Variants in SUMF1 observed in about 807,000 individuals in gnomAD.
SUMF1 encodes formylglycine-generating enzyme.
Under a neutral mutation model 47.6 loss-of-function variants are expected in SUMF1, and 48 were observed. The ratio of observed to expected loss-of-function variants is 1.01; its 90% CI spans 0.80 to 1.28. SUMF1 has a LOEUF of 1.28. SUMF1 is among the 50% of genes most tolerant of loss of function. The pLI, the probability that SUMF1 is intolerant of heterozygous loss-of-function variation, is 0.00. For missense variants in SUMF1, 571 were observed against 485.4 expected (o/e 1.18, Z -1.66); for synonymous variants, 230 against 192.1 (o/e 1.20, Z -1.63).
At chr3:4,312,286 G>T (rs2125095287) in intron 8 of SUMF1, among the ~76,000 whole-genome samples, 1 of 152,074 alleles carries the variant, frequency 6.6e-6, no homozygotes, top group African/African-American at 2.4e-5. Context: ...CAAAAGCTAA[G>T]GATAAAATGC....
At chr3:4,212,546 G>A (rs1017677716) in intron 8 of SUMF1, among the ~76,000 whole-genome samples, 21 of 152,238 alleles carry the variant, frequency 1.4e-4, no homozygotes, top group African/African-American at 4.1e-4. Flanking sequence ...GAGCAAAAAT[G>A]GACAGAGAAT....
At chr3:4,452,818 G>T in intron 2 of SUMF1, 58 bp downstream of exon 2, 2 of 1,599,780 alleles carry the variant, frequency 1.3e-6, no homozygotes. Context: ...TGCTATTAAA[G>T]CATTCTTAAA....
intron 8 of SUMF1, among the ~76,000 whole-genome samples, chr3:4,221,088 T>C (rs186295137): frequency 2.0e-5 from 3 of 152,274 alleles, no homozygotes; most frequent in Admixed American, 2.0e-4. Context: ...GTAGTCACCT[T>C]AGCATCTGGT....
rs1315237133 is a variant in SUMF1, at chr3:4,417,140, T to C, written c.828A>G (p.Gln276=). The change falls in exon 6 of 9, where the codon CAA becomes CAG. Residue 276 remains glutamine (Q), a synonymous_variant. Coordinates refer to ENST00000272902, the MANE Select transcript of SUMF1 (RefSeq NM_182760.4). ...PVTNTGEDGF[Q]GTAPVDAFPP... ...TCTCATTACTCACAGGCGCAGTTCC[T>C]TGGAAGCCATCCTCACCAGTGTTGG... 4 of 1,613,726 alleles carry C rather than the reference T, an allele frequency of 2.5e-6. No homozygotes were observed. The highest frequency in any genetic ancestry group is 2.7e-5 in the African/African-American group (2 of 74,898).
At chr3:4,366,745 T>C (rs1423360081) in intron 8 of SUMF1, among the ~76,000 whole-genome samples, 1 of 152,224 alleles carries the variant, frequency 6.6e-6, no homozygotes, top group Non-Finnish European at 1.5e-5. Context: ...CCAGCTTTGT[T>C]CCATTGCTGG....
At chr3:4,085,395 G>A (rs1233038076) in intron 8 of SUMF1, among the ~76,000 whole-genome samples, 1 of 151,996 alleles carries the variant, frequency 6.6e-6, no homozygotes, top group African/African-American at 2.4e-5. Flanking sequence ...AGACAATAGA[G>A]GTGAGGTTGA....
chr3:4,177,327 A>C (rs1292119017), intron 8 of SUMF1, among the ~76,000 whole-genome samples: 4 of 152,208 alleles, frequency 2.6e-5, no homozygotes, highest in Non-Finnish European at 5.9e-5. Context: ...AAAAGAAATC[A>C]CAAAAAACTG....
intron 8 of SUMF1, among the ~76,000 whole-genome samples, chr3:4,304,803 A>G (rs934478729): frequency 1.3e-5 from 2 of 152,144 alleles, no homozygotes; most frequent in Admixed American, 6.5e-5. Flanking sequence ...TGAGCCAAAT[A>G]TGAGTGACCA....
intron 8 of SUMF1, among the ~76,000 whole-genome samples, chr3:4,333,601 G>A (rs192564804): frequency 6.6e-6 from 1 of 152,120 alleles, no homozygotes; most frequent in Non-Finnish European, 1.5e-5. Flanking sequence ...GGACAAGACA[G>A]TACAATGCTT....
At position 4,452,933 on chromosome 3, in the gene SUMF1, A is replaced by G; in HGVS notation, c.387T>C (p.Tyr129=). ...VTIDAFYMDA[Y]EVSNTEFEKF... ...TCTCAAATTCAGTATTACTGACTTC[A>G]TAGGCATCCATGTAAAAGGCATCAA... is the stretch of plus-strand genomic sequence containing the variant. Residue 129 remains tyrosine (Y), a synonymous_variant, in exon 2 of 9, where the codon TAT becomes TAC. Coordinates refer to ENST00000272902, the MANE Select transcript of SUMF1 (RefSeq NM_182760.4). The G allele has an allele frequency of 6.2e-7, 1 of 1,614,220 alleles. No individual in the cohort carries two copies. The highest frequency in any genetic ancestry group is 8.5e-7 in the Non-Finnish European group (1 of 1,180,052).
At chr3:4,445,772 A>G (rs987401513) in intron 3 of SUMF1, among the ~76,000 whole-genome samples, 1 of 152,202 alleles carries the variant, frequency 6.6e-6, no homozygotes. Context: ...ATAATATAAA[A>G]CTGGTGAAAT....
At chr3:4,420,865 A>G (rs1481303501) in intron 3 of SUMF1, among the ~76,000 whole-genome samples, 1 of 152,176 alleles carries the variant, frequency 6.6e-6, no homozygotes, top group Non-Finnish European at 1.5e-5. Context: ...TGAAGCACAG[A>G]AGAAAAAATG....
At chr3:4,069,839 A>G (rs1695476236) in intron 8 of SUMF1, among the ~76,000 whole-genome samples, 2 of 152,184 alleles carry the variant, frequency 1.3e-5, no homozygotes, top group Non-Finnish European at 2.9e-5. Context: ...ACACTTTGAA[A>G]TTACCCTGAA....
chr3:4,078,184 C>T (rs1692480881), intron 8 of SUMF1, among the ~76,000 whole-genome samples: 1 of 152,024 alleles, frequency 6.6e-6, no homozygotes, highest in South Asian at 2.1e-4. Context: ...TTCAAAAGTG[C>T]AATCTGAGCA....
chr3:4,076,088 C>G (rs918796546), intron 8 of SUMF1, among the ~76,000 whole-genome samples: 2 of 152,046 alleles, frequency 1.3e-5, no homozygotes, highest in African/African-American at 4.8e-5. Context: ...TGACTTTAAA[C>G]TATACTACAA....
chr3:4,198,016 G>C (rs1695464934), intron 8 of SUMF1, among the ~76,000 whole-genome samples: 1 of 128,994 alleles, frequency 7.8e-6, no homozygotes, highest in Non-Finnish European at 1.6e-5. Flanking sequence ...ATGGGTTTTT[G>C]TGTTTGTTTT....
chr3:4,389,306 A>G (rs945670086), intron 7 of SUMF1, among the ~76,000 whole-genome samples: 8 of 151,672 alleles, frequency 5.3e-5, no homozygotes, highest in African/African-American at 1.9e-4. Flanking sequence ...ATGGTCACCA[A>G]TGGGAAATCC....
At chr3:4,238,176 T>C (rs1696452706) in intron 8 of SUMF1, among the ~76,000 whole-genome samples, 1 of 152,160 alleles carries the variant, frequency 6.6e-6, no homozygotes, top group South Asian at 2.1e-4. Flanking sequence ...ATCCAGTCTA[T>C]CATTGATGGG....
chr3:4,236,175 A>G (rs970130136), intron 8 of SUMF1, among the ~76,000 whole-genome samples: 13 of 152,082 alleles, frequency 8.5e-5, no homozygotes, highest in Non-Finnish European at 1.8e-4. Flanking sequence ...GGCTAAAGTG[A>G]TCCTTCCACC....
Sources: gnomAD v4.1 joint callset for allele counts (sites outside exome capture counted in the v4.1 genomes callset) on GRCh38, gnomAD v4.1.1 for gene constraint, MANE v1.5 for transcripts, NCBI Gene and HGNC (gene_info 2026-07-23, HGNC 2026-07-21) for gene names.